ARL6: variants seen among roughly 807,000 people sequenced by gnomAD.
The protein encoded by ARL6 is ARF like GTPase 6.
Under a neutral mutation model 27.1 loss-of-function variants are expected in ARL6, and 18 were observed. The ratio of observed to expected loss-of-function variants is 0.66; its 90% confidence interval spans 0.46 to 0.98. ARL6 has a LOEUF of 0.98. ARL6 is among the 50% of genes least tolerant of loss of function. The pLI, the probability that ARL6 is intolerant of heterozygous loss-of-function variation, is 0.00. For missense variants in ARL6, 187 were observed against 214.9 expected, an observed-to-expected ratio of 0.87 and a Z score of 0.81; for synonymous variants, 65 against 72.3, an observed-to-expected ratio of 0.90 and a Z score of 0.51.
rs773400737 is a variant in ARL6, at chr3:97,798,066, A to G, written c.*17A>G. The G allele has an allele frequency of 9.3e-6, 15 of 1,611,742 alleles. No individual in the cohort carries two copies. In the South Asian group the frequency reaches 1.6e-4, roughly 18 times the overall value. ...AAGACATGAAAAGATAATAGTTGGA[A>G]ACCTCAGCAATTTTCAATTCAAGGA... On this transcript the variant is annotated 3_prime_UTR_variant, in exon 8 of 8. Transcript: ENST00000463745.
At chr3:97,785,475 T>G (rs1457239992) in intron 5 of ARL6, among the ~76,000 whole-genome samples, 1 of 124,826 alleles carries the variant, frequency 8.0e-6, no homozygotes, top group Non-Finnish European at 1.6e-5. Flanking sequence ...CAGCATTTCT[T>G]ACATATTTAT....
rs1282637757 is a variant in ARL6, at chr3:97,798,024, A to G, written c.536A>G (p.Asp179Gly). 1.2e-6 allele frequency: 2 copies of G among 1,613,132 alleles called. No individual in the cohort carries two copies. Among genetic ancestry groups the G allele is most frequent in the African/African-American group, 1.3e-5 (1 of 75,026 alleles). The change falls in exon 8 of 8, where the codon GAT (aspartate) becomes GGT (glycine). Residue 179 changes from aspartate to glycine, a missense_variant and splice_region_variant. Physicochemically the swap from Asp to Gly is moderately conservative, Grantham distance 94. Transcript: ENST00000463745. ...GLQEGVDWLQ[D>G]QIQTVKT ...ATTTTTGTTTGTTTTTTGTTATCAG[A>G]TCAGATCCAGACTGTGAAGACATGA...
chr3:97,771,758 T>G (rs982312298), intron 2 of ARL6, among the ~76,000 whole-genome samples: 3 of 152,186 alleles, frequency 2.0e-5, no homozygotes, highest in African/African-American at 7.2e-5. Flanking sequence ...ATGTTGAATT[T>G]TATCAAAAGT....
chr3:97,769,619 C>G (rs1000960064), intron 2 of ARL6, among the ~76,000 whole-genome samples: 1 of 151,996 alleles, frequency 6.6e-6, no homozygotes, highest in Non-Finnish European at 1.5e-5. Flanking sequence ...ACTGAATTAT[C>G]AAACACTAAG....
intron 2 of ARL6, among the ~76,000 whole-genome samples, chr3:97,771,843 TTGTGTA>T (rs2036652708): frequency 6.6e-6 from 1 of 152,188 alleles, no homozygotes; most frequent in Admixed American, 6.5e-5. Flanking sequence ...ATATATTGAT[TTGTGTA>T]TGTTGAACCA....
intron 4 of ARL6, among the ~76,000 whole-genome samples, chr3:97,784,573 T>C (rs1046172784): frequency 6.6e-6 from 1 of 151,742 alleles, no homozygotes; most frequent in Non-Finnish European, 1.5e-5. Context: ...AGTTTATTCA[T>C]ATGTAATATA....
At chr3:97,785,785 A>G (rs938126340) in intron 5 of ARL6, among the ~76,000 whole-genome samples, 1 of 152,106 alleles carries the variant, frequency 6.6e-6, no homozygotes, top group Non-Finnish European at 1.5e-5. Context: ...GTGCTCCAGT[A>G]AGTATTGTGG....
chr3:97,780,017 A>G lies in ARL6; in HGVS notation c.124-142A>G, dbSNP rs1446728160. On this transcript the variant is annotated intron_variant, in intron 2 of 7. Transcript: ENST00000463745. ...TAAAGAATTCACACAGAGTGATCCT[A>G]TTGAAAAAATTATATAACTTTGTTA... 2.6e-5 allele frequency: 18 copies of G among 680,144 alleles called. No individual in the cohort carries two copies. The Middle Eastern group carries it at 1.2e-3, about 46-fold the overall frequency. The allele number at this position is 680,144 out of a possible 1,614,324, so 42.1% of individuals were successfully genotyped here.
rs1244216571 is a variant in ARL6 at position 97,799,913 on chromosome 3, G to T, written c.*1864G>T. 1.3e-5 allele frequency: 2 copies of T among 152,092 alleles called. No individual in the cohort carries two copies. The highest frequency in any genetic ancestry group is 2.9e-5 in the Non-Finnish European group (2 of 67,962). The allele number at this position is 152,092 out of a possible 1,614,324, so 9.4% of individuals were successfully genotyped here. ...TATCTGCCAGAATAACAATTAAAAT[G>T]ATAGAAAAGGCTCTTACTTGGGACA... On this transcript the variant is annotated 3_prime_UTR_variant, in exon 8 of 8. Coordinates refer to ENST00000463745, the MANE Select transcript of ARL6 (RefSeq NM_001278293.3).
chr3:97,766,594 G>A (rs1346646151), intron 1 of ARL6: 2 of 152,118 alleles, frequency 1.3e-5, no homozygotes, highest in Non-Finnish European at 2.9e-5. Context: ...TATCCCAAAA[G>A]GCCTAAGCAA....
intron 7 of ARL6, 130 bp from the exon 8 acceptor site, chr3:97,797,894 A>C: frequency 3.4e-6 from 3 of 893,844 alleles, no homozygotes; most frequent in Non-Finnish European, 5.3e-6. Context: ...CTATCTCTAA[A>C]AAATAATAAT....
chr3:97,766,399 T>C (rs1374473743), intron 1 of ARL6, among the ~76,000 whole-genome samples: 1 of 152,178 alleles, frequency 6.6e-6, no homozygotes, highest in Non-Finnish European at 1.5e-5. Flanking sequence ...TGAATAAGAT[T>C]TGAATCTCTG....
chr3:97,798,305 G>A lies in ARL6; in HGVS notation c.*256G>A, dbSNP rs552579902. ...AGTGAAGGTCTACATTTGATTGTACGTAGAATGTTTAAAAGTCAGTTATAA... is the reference window on the plus strand; with the variant it reads ...AGTGAAGGTCTACATTTGATTGTACATAGAATGTTTAAAAGTCAGTTATAA... On this transcript the variant is annotated 3_prime_UTR_variant, in exon 8 of 8. Transcript: ENST00000463745. 2.1e-5 allele frequency: 8 copies of A among 382,926 alleles called. No individual in the cohort carries two copies. The highest frequency in any genetic ancestry group is 7.4e-4 in the Middle Eastern group (1 of 1,344). The allele number at this position is 382,926 out of a possible 1,614,324, so 23.7% of individuals were successfully genotyped here.
chr3:97,791,981 C>A, intron 7 of ARL6, 155 bp downstream of exon 7: 1 of 651,312 alleles, frequency 1.5e-6, no homozygotes. Context: ...TATCCAATAC[C>A]TTGTTCCATT....
intron 2 of ARL6, among the ~76,000 whole-genome samples, chr3:97,768,467 T>C (rs1017632944): frequency 1.3e-5 from 2 of 152,064 alleles, no homozygotes; most frequent in Non-Finnish European, 2.9e-5. Context: ...CTTCACAGAT[T>C]TACTGAGTTT....
At chr3:97,791,312 C>T (rs2037725101) in intron 6 of ARL6, 1 of 156,704 alleles carries the variant, frequency 6.4e-6, no homozygotes, top group African/African-American at 2.4e-5. Flanking sequence ...TTTACTCTAC[C>T]AGCTTACCAA....
chr3:97,792,711 C>T (rs749914688), intron 7 of ARL6, among the ~76,000 whole-genome samples: 1 of 152,138 alleles, frequency 6.6e-6, no homozygotes, highest in Non-Finnish European at 1.5e-5. Flanking sequence ...CTAATGGTCT[C>T]TCAGCCAAAA....
chr3:97,765,422 G>A (rs1192396384), intron 1 of ARL6, among the ~76,000 whole-genome samples: 3 of 152,300 alleles, frequency 2.0e-5, no homozygotes, highest in South Asian at 4.1e-4. Context: ...TACCCTCTAA[G>A]CTGTTAACTG....
chr3:97,765,141 A>G (rs2036306279), intron 1 of ARL6, among the ~76,000 whole-genome samples, 164 bp downstream of exon 1: 2 of 151,942 alleles, frequency 1.3e-5, no homozygotes, highest in South Asian at 2.1e-4. Flanking sequence ...TAGAAAACTT[A>G]CTAAACTGGT....
Sources: allele counts gnomAD v4.1 joint callset (sites outside exome capture counted in the v4.1 genomes callset), GRCh38; gene constraint gnomAD v4.1.1; transcripts MANE v1.5; gene names NCBI Gene and HGNC (gene_info 2026-07-23, HGNC 2026-07-21).